Variants in CSNK1G1 observed in about 807,000 individuals in gnomAD.
The protein encoded by CSNK1G1 is casein kinase I isoform gamma-1.
CSNK1G1 carries 22 observed loss-of-function variants against 59.6 expected under a neutral mutation model. The observed-to-expected ratio is 0.37, with a 90% CI of 0.26 to 0.53. The LOEUF (loss-of-function observed/expected upper bound fraction) is 0.53. CSNK1G1 is among the 20% of genes least tolerant of loss of function. The probability of loss-of-function intolerance (pLI) is 0.89; values close to 1 mark genes in which losing one functional copy is unlikely to be tolerated. For missense variants in CSNK1G1, 384 were observed against 519.5 expected, an observed-to-expected ratio of 0.74 and a Z score of 2.54; for synonymous variants, 179 against 177.1, an observed-to-expected ratio of 1.01 and a Z score of -0.08.
intron 1 of CSNK1G1, among the ~76,000 whole-genome samples, chr15:64,325,731 C>A (rs1896803129): frequency 6.6e-6 from 1 of 152,184 alleles, no homozygotes; most frequent in African/African-American, 2.4e-5. Context: ...AGACACTTCA[C>A]TTGGACTATC....
chr15:64,225,758 C>T (rs1236805827), intron 4 of CSNK1G1, among the ~76,000 whole-genome samples: 1 of 152,196 alleles, frequency 6.6e-6, no homozygotes, highest in East Asian at 1.9e-4. Flanking sequence ...TCCCAAGTAA[C>T]TGGGATTACG....
intron 4 of CSNK1G1, among the ~76,000 whole-genome samples, chr15:64,241,653 C>T (rs533178062): frequency 1.3e-5 from 2 of 152,144 alleles, no homozygotes; most frequent in East Asian, 3.9e-4. Context: ...ACAAGAGGAA[C>T]TTTAGAAACT....
intron 1 of CSNK1G1, among the ~76,000 whole-genome samples, chr15:64,310,528 T>G (rs1596258522): frequency 7.1e-6 from 1 of 141,322 alleles, no homozygotes; most frequent in Admixed American, 7.2e-5. Context: ...CCAACCTGGG[T>G]GATGTGGTGA....
At chr15:64,349,698 G>A (rs921756140) in intron 1 of CSNK1G1, among the ~76,000 whole-genome samples, 1 of 151,998 alleles carries the variant, frequency 6.6e-6, no homozygotes. Flanking sequence ...AGTCTTTCTG[G>A]TCCGCTAAGT....
At chr15:64,277,563 T>A (rs1439918595) in intron 2 of CSNK1G1, among the ~76,000 whole-genome samples, 1 of 132,382 alleles carries the variant, frequency 7.6e-6, no homozygotes, top group African/African-American at 2.8e-5. Flanking sequence ...AATAATAAAA[T>A]TTAATATAAT....
At chr15:64,233,881 T>G (rs2082580798) in intron 4 of CSNK1G1, among the ~76,000 whole-genome samples, 1 of 152,196 alleles carries the variant, frequency 6.6e-6, no homozygotes, top group Non-Finnish European at 1.5e-5. Context: ...TTCCTATTTT[T>G]TTCTTCACAA....
At chr15:64,172,827 G>A (rs1596043344) in intron 11 of CSNK1G1, among the ~76,000 whole-genome samples, 1 of 152,214 alleles carries the variant, frequency 6.6e-6, no homozygotes, top group African/African-American at 2.4e-5. Flanking sequence ...CTGGGGACTA[G>A]CCACAGTTCT....
In CSNK1G1 at chr15:64,214,645, A is replaced by T. The variant is rs1372053509; in HGVS notation, c.445-521T>A. Among the ~76,000 whole-genome samples the T allele has an allele frequency of 6.6e-6, 1 of 152,148 alleles. No homozygotes were observed. The highest frequency in any genetic ancestry group is 1.5e-5 in the Non-Finnish European group (1 of 68,018). On this transcript the variant is annotated intron_variant, in intron 5 of 11. Coordinates refer to ENST00000303052, the MANE Select transcript of CSNK1G1 (RefSeq NM_022048.5). This position sits in a 1 kb window ranked among gnomAD's most constrained non-coding sequence, Gnocchi z 4.3. The stretch of plus-strand genomic sequence containing the variant: ...ATCACATAGCTAATTAGCAGCAGAG[A>T]CAGGGAAACAGTTCATTATTATTAT...
At chr15:64,285,479 T>C (rs1220501491) in intron 2 of CSNK1G1, among the ~76,000 whole-genome samples, 1 of 152,168 alleles carries the variant, frequency 6.6e-6, no homozygotes, top group African/African-American at 2.4e-5. Flanking sequence ...TCATTTAGGT[T>C]AATCTATTTG....
rs1042674012 is a variant in CSNK1G1, at chr15:64,171,128, C to T, written c.*803G>A. On this transcript the variant is annotated 3_prime_UTR_variant, in exon 12 of 12. Coordinates refer to ENST00000303052, the MANE Select transcript of CSNK1G1 (RefSeq NM_022048.5). This position sits in a 1 kb window ranked among gnomAD's most constrained non-coding sequence, Gnocchi z 4.8. ...AAGTAAAACCCCCAATATAACCAGACACAATATGCATCTGCCATGTTTTTG... is the reference window on the plus strand; with the variant it reads ...AAGTAAAACCCCCAATATAACCAGATACAATATGCATCTGCCATGTTTTTG... 1 of 152,064 alleles carries T rather than the reference C, an allele frequency of 6.6e-6. No individual in the cohort carries two copies. Among genetic ancestry groups the T allele is most frequent in the Non-Finnish European group, 1.5e-5 (1 of 67,978 alleles). 9.4% of individuals were successfully genotyped at this position (152,064 alleles called of 1,614,324 possible).
At chr15:64,251,722 A>G (rs959679326) in intron 3 of CSNK1G1, 141 bp from the exon 4 acceptor site, 106 of 615,902 alleles carry the variant, frequency 1.7e-4, no homozygotes, top group Middle Eastern at 4.4e-4. Context: ...TCTAACCACA[A>G]TTGGTCTTGG....
At chr15:64,315,875 T>C (rs191194678) in intron 1 of CSNK1G1, 37 of 152,350 alleles carry the variant, frequency 2.4e-4, no homozygotes, top group African/African-American at 8.7e-4. Context: ...TGAATGCTCT[T>C]CCTCACTTGA....
intron 4 of CSNK1G1, among the ~76,000 whole-genome samples, chr15:64,220,684 T>C (rs2082377565): frequency 1.3e-5 from 2 of 152,010 alleles, no homozygotes; most frequent in Non-Finnish European, 2.9e-5. Flanking sequence ...CTCAGCCTCC[T>C]GAGTAGCTGG....
chr15:64,306,718 T>C (rs1430860198), intron 1 of CSNK1G1, among the ~76,000 whole-genome samples: 1 of 152,082 alleles, frequency 6.6e-6, no homozygotes, highest in Non-Finnish European at 1.5e-5. Context: ...TGTCAAAAAA[T>C]GAAAACACTA....
intron 4 of CSNK1G1, among the ~76,000 whole-genome samples, chr15:64,244,268 A>G (rs1284031325): frequency 6.6e-6 from 1 of 151,976 alleles, no homozygotes; most frequent in Non-Finnish European, 1.5e-5. Context: ...TCCATTTACA[A>G]TAGCTACAAA....
intron 10 of CSNK1G1, among the ~76,000 whole-genome samples, chr15:64,185,996 T>C (rs1346971663): frequency 6.6e-6 from 1 of 152,122 alleles, no homozygotes; most frequent in East Asian, 1.9e-4. Context: ...CAAGCTGCTC[T>C]CTTCTATTGG....
intron 3 of CSNK1G1, 79 bp downstream of exon 3, chr15:64,259,122 G>C (rs550685824): frequency 2.4e-6 from 3 of 1,259,508 alleles, no homozygotes; most frequent in Non-Finnish European, 3.3e-6. Flanking sequence ...GCGAATGAAT[G>C]CTTAAAACTA....
At chr15:64,196,732 G>A (rs1345365445) in intron 10 of CSNK1G1, among the ~76,000 whole-genome samples, 2 of 151,770 alleles carry the variant, frequency 1.3e-5, no homozygotes, top group Non-Finnish European at 2.9e-5. Context: ...GATTACAGGC[G>A]GGAGCCACCA....
At position 64,332,727 on chromosome 15, in the gene CSNK1G1, A is replaced by C. The variant is rs1322933731; in HGVS notation, c.-225+23261T>G. Among the ~76,000 whole-genome samples, 4 of 149,298 alleles carry C rather than the reference A, an allele frequency of 2.7e-5. No individual in the cohort carries two copies. The South Asian group carries it at 6.5e-4, about 24-fold the overall frequency. ...AACCCAAATCACAAAACAATTTAAA[A>C]AAAAACAAAAACAAAAAAAAAGTAG... On this transcript the variant is annotated intron_variant, in intron 1 of 11. Coordinates refer to ENST00000303052, the MANE Select transcript of CSNK1G1 (RefSeq NM_022048.5).
Sources: gnomAD v4.1 joint callset for allele counts (sites outside exome capture counted in the v4.1 genomes callset) on GRCh38, gnomAD v4.1.1 for gene constraint, Gnocchi (gnomAD v3.1) non-coding constraint, MANE v1.5 for transcripts, NCBI Gene and HGNC (gene_info 2026-07-23, HGNC 2026-07-21) for gene names.